Variants in PCDH7 observed in about 807,000 individuals in gnomAD.
PCDH7 encodes the protein protocadherin 7, also known as protocadherin-7.
In PCDH7, 17 loss-of-function variants were observed where a neutral mutation model predicts 58.9. That is an observed-to-expected ratio of 0.29 (90% CI 0.20 to 0.43). The LOEUF (loss-of-function observed/expected upper bound fraction) is 0.43, where lower values mean the gene tolerates loss of function less well. Among genes scored for constraint, PCDH7 ranks in the 20% least tolerant of loss-of-function variants. The pLI, the probability that PCDH7 is intolerant of heterozygous loss-of-function variation, is 1.00. For missense variants in PCDH7, 1,274 were observed against 1,441.0 expected, an observed-to-expected ratio of 0.88 and a Z score of 1.88; for synonymous variants, 664 against 616.4, an observed-to-expected ratio of 1.08 and a Z score of -1.14.
At chr4:30,953,222 G>T (rs1747536158) in intron 3 of PCDH7, among the ~76,000 whole-genome samples, 1 of 152,074 alleles carries the variant, frequency 6.6e-6, no homozygotes, top group African/African-American at 2.4e-5. Context: ...CTAGCTTCCT[G>T]TAACTTGAAT....
At chr4:30,765,729 A>T (rs1720658674) in intron 1 of PCDH7, among the ~76,000 whole-genome samples, 1 of 152,162 alleles carries the variant, frequency 6.6e-6, no homozygotes, top group Non-Finnish European at 1.5e-5. Flanking sequence ...GTGTTCTCTG[A>T]TGAGAGTGTG....
chr4:30,904,690 G>A (rs1481742887), intron 1 of PCDH7, among the ~76,000 whole-genome samples: 2 of 152,062 alleles, frequency 1.3e-5, no homozygotes, highest in African/African-American at 4.8e-5. Context: ...ACATATGCTC[G>A]GCGTTGAATA....
At chr4:31,085,893 T>G (rs926244997) in intron 3 of PCDH7, among the ~76,000 whole-genome samples, 2 of 147,264 alleles carry the variant, frequency 1.4e-5, no homozygotes, top group African/African-American at 5.0e-5. Context: ...CACCAGGAAA[T>G]CTCAGGCTTT....
chr4:30,929,200 G>A (rs1365009286), intron 2 of PCDH7, among the ~76,000 whole-genome samples: 3 of 152,148 alleles, frequency 2.0e-5, no homozygotes, highest in Non-Finnish European at 4.4e-5. Context: ...TTAGAGTAGA[G>A]TAGATTGGAT....
At chr4:31,121,190 G>C (rs935775808) in intron 3 of PCDH7, among the ~76,000 whole-genome samples, 2 of 152,110 alleles carry the variant, frequency 1.3e-5, no homozygotes, top group Admixed American at 1.3e-4. Context: ...TTTACATCCA[G>C]GTGCTGCAAG....
At chr4:30,942,157 GAATT>G (rs1005392908) in intron 2 of PCDH7, among the ~76,000 whole-genome samples, 4 of 151,822 alleles carry the variant, frequency 2.6e-5, no homozygotes, top group South Asian at 4.1e-4. Context: ...ATAAATTTTT[GAATT>G]AATTAATGAA....
chr4:30,978,186 A>G (rs1750242529), intron 3 of PCDH7, among the ~76,000 whole-genome samples: 1 of 152,226 alleles, frequency 6.6e-6, no homozygotes, highest in African/African-American at 2.4e-5. Flanking sequence ...AAAACATCTT[A>G]TAAACGAATC....
At chr4:30,904,355 C>T (rs1740633327) in intron 1 of PCDH7, among the ~76,000 whole-genome samples, 2 of 152,240 alleles carry the variant, frequency 1.3e-5, no homozygotes, top group South Asian at 4.2e-4. Context: ...CCACTCCCTC[C>T]CTCTTCAAAA....
chr4:30,958,320 G>T (rs1052079630), intron 3 of PCDH7, among the ~76,000 whole-genome samples: 2 of 151,904 alleles, frequency 1.3e-5, no homozygotes, highest in African/African-American at 4.8e-5. Context: ...ATATTTCGTG[G>T]ATATATGAGT....
chr4:30,731,757 A>G (rs998495717), exon 2 of PCDH7: 1 of 152,144 alleles, frequency 6.6e-6, no homozygotes, highest in Non-Finnish European at 1.5e-5. Context: ...TTTTAGTTGT[A>G]TAAGCAATAT....
At chr4:31,133,376 G>C (rs1457803008) in intron 3 of PCDH7, among the ~76,000 whole-genome samples, 1 of 152,066 alleles carries the variant, frequency 6.6e-6, no homozygotes, top group African/African-American at 2.4e-5. Flanking sequence ...TTTGAATATA[G>C]GAAAATCCAA....
chr4:30,977,845 A>G (rs942271712), intron 3 of PCDH7, among the ~76,000 whole-genome samples: 3 of 152,164 alleles, frequency 2.0e-5, no homozygotes, highest in Non-Finnish European at 4.4e-5. Flanking sequence ...TGTTTTAAGA[A>G]TTCTGAACAA....
intron 1 of PCDH7, among the ~76,000 whole-genome samples, chr4:30,771,601 G>A (rs1721408317): frequency 6.6e-6 from 1 of 152,148 alleles, no homozygotes; most frequent in African/African-American, 2.4e-5. Flanking sequence ...ATACATAAAT[G>A]TGATTTTTAA....
In PCDH7 at chr4:30,748,840, C is replaced by A. The variant is rs142498082; in HGVS notation, c.70+24244C>A. 2.9e-3 allele frequency among the ~76,000 whole-genome samples: 435 copies of A among 152,230 alleles called. 3 individuals carry two copies. Among genetic ancestry groups the A allele is most frequent in the African/African-American group, 9.6e-3 (397 of 41,530 alleles). ...AACTCAACAGAAGATAATGTCTTTA[C>A]TCTCTAAGGAGTGGCCTGACAATGA... On this transcript the variant is annotated intron_variant, in intron 1 of 3. Transcript: ENST00000509759.
At chr4:31,033,695 A>C (rs1302071709) in intron 3 of PCDH7, among the ~76,000 whole-genome samples, 1 of 152,156 alleles carries the variant, frequency 6.6e-6, no homozygotes, top group Non-Finnish European at 1.5e-5. Flanking sequence ...TCATTTCTCC[A>C]TCCAATCCTT....
At chr4:30,854,694 A>C (rs1419911820) in intron 1 of PCDH7, among the ~76,000 whole-genome samples, 1 of 152,078 alleles carries the variant, frequency 6.6e-6, no homozygotes, top group Non-Finnish European at 1.5e-5. Context: ...CAAAACTACC[A>C]GAGCCATGCA....
chr4:31,016,396 CTTTT>C (rs35635325), intron 3 of PCDH7, among the ~76,000 whole-genome samples: 3 of 128,014 alleles, frequency 2.3e-5, no homozygotes, highest in Non-Finnish European at 1.7e-5. Context: ...AAAGACAGAT[CTTTT>C]TTTTTTTTTT....
chr4:30,922,906 A>G (rs1165607362), intron 2 of PCDH7, among the ~76,000 whole-genome samples: 2 of 152,150 alleles, frequency 1.3e-5, no homozygotes, highest in African/African-American at 4.8e-5. Context: ...CTACTCATCT[A>G]GCCATAAAGT....
intron 3 of PCDH7, among the ~76,000 whole-genome samples, chr4:31,117,465 A>G (rs571994830): frequency 7.1e-6 from 1 of 141,092 alleles, no homozygotes; most frequent in African/African-American, 2.9e-5. Flanking sequence ...TAGAATTCAG[A>G]GACATAGTTA....
Sources: allele counts gnomAD v4.1 joint callset (sites outside exome capture counted in the v4.1 genomes callset), GRCh38; gene constraint gnomAD v4.1.1; transcripts MANE v1.5; gene names NCBI Gene and HGNC (gene_info 2026-07-23, HGNC 2026-07-21).